PPEF1: variants seen among roughly 807,000 people sequenced by gnomAD.
The protein encoded by PPEF1 is protein phosphatase with EF-hand domain 1.
A neutral mutation model predicts 53.3 loss-of-function variants in PPEF1; 12 were observed. That is an observed-to-expected ratio of 0.23 (90% CI 0.14 to 0.36). The LOEUF (loss-of-function observed/expected upper bound fraction) is 0.36, where lower values mean the gene tolerates loss of function less well. PPEF1 is among the 10% of genes least tolerant of loss of function. The probability of loss-of-function intolerance (pLI) is 1.00; values close to 1 mark genes in which losing one functional copy is unlikely to be tolerated. For synonymous variants in PPEF1, 165 were observed against 176.7 expected (o/e 0.93, Z 0.52); for missense variants, 334 against 490.4 (o/e 0.68, Z 3.01).
At chrX:18,788,045 A>ATG (rs2046244450) in intron 9 of PPEF1, among the ~76,000 whole-genome samples, 3 of 112,153 alleles carry the variant, frequency 2.7e-5, no homozygotes, top group South Asian at 3.7e-4. Flanking sequence ...GGCCGGGTGC[A>ATG]GTGGCTCACG....
intron 1 of PPEF1, among the ~76,000 whole-genome samples, chrX:18,721,726 G>A (rs770378095): frequency 8.9e-6 from 1 of 111,822 alleles, no homozygotes; most frequent in Non-Finnish European, 1.9e-5. Flanking sequence ...GATGGGGTTG[G>A]TGGGTACGAG....
intron 12 of PPEF1, 69 bp downstream of exon 12, chrX:18,806,614 T>C: frequency 1.0e-6 from 1 of 991,707 alleles, no homozygotes; most frequent in Non-Finnish European, 1.3e-6. Context: ...CCCACGTGAC[T>C]AAGAGCAGCC....
intron 3 of PPEF1, among the ~76,000 whole-genome samples, chrX:18,735,688 G>C (rs1450597163): frequency 8.9e-6 from 1 of 111,781 alleles, no homozygotes; most frequent in Non-Finnish European, 1.9e-5. Flanking sequence ...GCTTGATGGG[G>C]ATGGCATTGA....
rs2046677481 is a variant in PPEF1, at chrX:18,806,825, C to T, written c.1394+280C>T. Reference sequence around the variant, plus strand: ...AGAAAAGAAGATCCCCACACCCACTCAGTCCCCCAACCTACAACCTTCTCT... The same window carrying T: ...AGAAAAGAAGATCCCCACACCCACTTAGTCCCCCAACCTACAACCTTCTCT... On this transcript the variant is annotated intron_variant, in intron 12 of 15. Coordinates refer to ENST00000470157, the MANE Select transcript of PPEF1 (RefSeq NM_001377996.1). 2.7e-5 allele frequency among the ~76,000 whole-genome samples: 3 copies of T among 111,800 alleles called. No homozygotes were observed. The South Asian group carries it at 1.1e-3, about 42-fold the overall frequency.
intron 10 of PPEF1, among the ~76,000 whole-genome samples, chrX:18,791,650 C>T (rs2046325656): frequency 8.9e-6 from 1 of 111,734 alleles, no homozygotes; most frequent in South Asian, 3.7e-4. Context: ...TCTTCCTTTC[C>T]AATCTGTCTG....
At chrX:18,816,317 T>C (rs2046913259) in intron 12 of PPEF1, among the ~76,000 whole-genome samples, 1 of 112,012 alleles carries the variant, frequency 8.9e-6, no homozygotes, top group South Asian at 3.7e-4. Context: ...TCTTCTGTTG[T>C]TAATTTTTAA....
chrX:18,727,863 A>AC (rs1491359430), intron 1 of PPEF1, among the ~76,000 whole-genome samples: 2 of 111,932 alleles, frequency 1.8e-5, no homozygotes, highest in Non-Finnish European at 3.8e-5. Flanking sequence ...GGAAACAGAT[A>AC]AAGAGATGCA....
chrX:18,711,435 TTA>T (rs909346944), intron 1 of PPEF1, among the ~76,000 whole-genome samples: 3 of 111,194 alleles, frequency 2.7e-5, no homozygotes, highest in African/African-American at 9.8e-5. Context: ...AAAATTACAC[TTA>T]TACCCCCTAA....
chrX:18,722,527 A>AAAAACC (rs1385287337), intron 1 of PPEF1, among the ~76,000 whole-genome samples: 1 of 112,540 alleles, frequency 8.9e-6, no homozygotes, highest in Admixed American at 9.4e-5. Context: ...ACTCCTATTT[A>AAAAACC]AAAACCAAAA....
chrX:18,701,174 TAATA>T (rs1251893318), intron 6 of PPEF1, among the ~76,000 whole-genome samples: 6 of 112,179 alleles, frequency 5.3e-5, no homozygotes, highest in African/African-American at 1.6e-4. Context: ...AGTAGTCCCT[TAATA>T]AATAGTAGTG....
At chrX:18,791,808 G>T (rs997104125) in intron 10 of PPEF1, among the ~76,000 whole-genome samples, 1 of 112,002 alleles carries the variant, frequency 8.9e-6, no homozygotes, top group Non-Finnish European at 1.9e-5. Context: ...TATGATATTA[G>T]CTGTGTATTT....
chrX:18,723,061 G>A (rs1477285052), intron 1 of PPEF1, among the ~76,000 whole-genome samples: 1 of 107,539 alleles, frequency 9.3e-6, no homozygotes. Flanking sequence ...CTCGGCTCAC[G>A]GCAACCTCCG....
intron 12 of PPEF1, among the ~76,000 whole-genome samples, chrX:18,811,043 A>G (rs1390633778): frequency 1.8e-5 from 2 of 111,503 alleles, no homozygotes; most frequent in Non-Finnish European, 3.8e-5. Flanking sequence ...TCTTGTTATG[A>G]TCTCTTTTTA....
At chrX:18,777,488 T>TTTTTC (rs1448976085) in intron 6 of PPEF1, among the ~76,000 whole-genome samples, 1 of 112,221 alleles carries the variant, frequency 8.9e-6, no homozygotes, top group African/African-American at 3.2e-5. Flanking sequence ...AGCCATTTTG[T>TTTTTC]TTTTCTTTTC....
intron 12 of PPEF1, among the ~76,000 whole-genome samples, chrX:18,813,622 T>C (rs1011529978): frequency 7.2e-5 from 8 of 111,116 alleles, no homozygotes; most frequent in Non-Finnish European, 1.3e-4. Flanking sequence ...AGGGCAGATA[T>C]ACCTGTCTTA....
At chrX:18,789,091 G>T in intron 9 of PPEF1, 30 bp from the exon 10 acceptor site, 1 of 1,204,229 alleles carries the variant, frequency 8.3e-7, no homozygotes, top group Non-Finnish European at 1.1e-6. Flanking sequence ...TAAGCAGAGG[G>T]TTGGACTAAA....
At chrX:18,767,907 A>G (rs12850270) in intron 6 of PPEF1, among the ~76,000 whole-genome samples, 1 of 110,212 alleles carries the variant, frequency 9.1e-6, no homozygotes, top group Non-Finnish European at 1.9e-5. Flanking sequence ...CAGGAGGTGC[A>G]TAACTATGAC....
upstream of PPEF1, among the ~76,000 whole-genome samples, chrX:18,704,314 T>C (rs908539956): frequency 4.5e-5 from 5 of 111,387 alleles, no homozygotes; most frequent in Admixed American, 3.8e-4. Flanking sequence ...TGTTGGAAAA[T>C]AGTGTTTCTT....
chrX:18,823,604 G>C (rs1231388992), intron 13 of PPEF1, among the ~76,000 whole-genome samples: 4 of 108,505 alleles, frequency 3.7e-5, no homozygotes, highest in Non-Finnish European at 3.8e-5. Flanking sequence ...TCCAGCCTGG[G>C]TGAAAAGAGC....
Sources: gnomAD v4.1 joint callset for allele counts (sites outside exome capture counted in the v4.1 genomes callset) on GRCh38, gnomAD v4.1.1 for gene constraint, MANE v1.5 for transcripts, NCBI Gene and HGNC (gene_info 2026-07-23, HGNC 2026-07-21) for gene names.